MACROD2: variants seen among roughly 807,000 people sequenced by gnomAD.
MACROD2 encodes the protein ADP-ribose glycohydrolase MACROD2.
MACROD2 carries 36 observed loss-of-function variants against 70.4 expected under a neutral mutation model. The observed-to-expected ratio is 0.51, with a 90% CI of 0.39 to 0.68. MACROD2 has a LOEUF of 0.68. MACROD2 is among the 30% of genes least tolerant of loss of function. The pLI, the probability that MACROD2 is intolerant of heterozygous loss-of-function variation, is 0.00. For missense variants in MACROD2, 496 were observed against 538.4 expected, an observed-to-expected ratio of 0.92 and a Z score of 0.78; for synonymous variants, 172 against 178.8, an observed-to-expected ratio of 0.96 and a Z score of 0.30.
intron 3 of MACROD2, chr20:14,352,309 T>TA (rs1178453666): frequency 3.9e-5 from 6 of 152,140 alleles, no homozygotes; most frequent in African/African-American, 1.2e-4. Context: ...CAAGTTTTGA[T>TA]AAAAATACTC....
At chr20:14,996,209 C>T (rs760069708) in intron 5 of MACROD2, among the ~76,000 whole-genome samples, 12 of 152,168 alleles carry the variant, frequency 7.9e-5, no homozygotes, top group South Asian at 2.1e-4. Flanking sequence ...GGGGGTCTCA[C>T]GGGCCAGTGT....
intron 12 of MACROD2, among the ~76,000 whole-genome samples, chr20:15,965,658 T>C (rs533920427): frequency 7.6e-4 from 115 of 152,306 alleles, no homozygotes; most frequent in Admixed American, 5.0e-3. Flanking sequence ...GCCTGATCTA[T>C]ATACCTTTTT....
At chr20:14,239,535 A>G (rs974333042) in intron 3 of MACROD2, among the ~76,000 whole-genome samples, 4 of 152,230 alleles carry the variant, frequency 2.6e-5, no homozygotes, top group African/African-American at 9.6e-5. Flanking sequence ...CAAATGGAGC[A>G]GAATAGAGAG....
chr20:14,981,482 G>A (rs1460317128), intron 5 of MACROD2, among the ~76,000 whole-genome samples: 8 of 151,452 alleles, frequency 5.3e-5, no homozygotes, highest in African/African-American at 1.9e-4. Context: ...GTGTGTCGGT[G>A]TGTGCATGTT....
At chr20:15,594,041 G>A (rs916525631) in intron 8 of MACROD2, among the ~76,000 whole-genome samples, 5 of 152,160 alleles carry the variant, frequency 3.3e-5, no homozygotes, top group Non-Finnish European at 7.3e-5. Context: ...GTGTTCTTCT[G>A]TGGTCAGTGC....
Position 14,490,288 on chromosome 20 carries a change from C to G in MACROD2, c.272-3191C>G, listed in dbSNP as rs141430036. Among the ~76,000 whole-genome samples, 351 of 152,254 alleles carry G rather than the reference C, an allele frequency of 2.3e-3. 1 individual carries two copies. Among genetic ancestry groups the G allele is most frequent in the African/African-American group, 8.2e-3 (339 of 41,544 alleles). Reference sequence around the variant, plus strand: ...GTTTAGGGTATTGGAAATCAATTCTCCATATTTGACACTATCAAATTAGCT... The same window carrying G: ...GTTTAGGGTATTGGAAATCAATTCTGCATATTTGACACTATCAAATTAGCT... On this transcript the variant is annotated intron_variant, in intron 3 of 17. Transcript: ENST00000684519.
At chr20:15,932,489 C>T (rs76093213) in intron 10 of MACROD2, among the ~76,000 whole-genome samples, 3,470 of 152,264 alleles carry the variant, frequency 0.023, 69 homozygotes, top group African/African-American at 0.05. Context: ...CTTCTGTTTT[C>T]TGTACTTCAC....
chr20:15,721,497 T>A (rs551983572), intron 8 of MACROD2, among the ~76,000 whole-genome samples: 1 of 152,322 alleles, frequency 6.6e-6, no homozygotes, highest in East Asian at 1.9e-4. Context: ...AAAATATATA[T>A]CATTGTAGAC....
At position 14,786,096 on chromosome 20, in the gene MACROD2, T is replaced by C. The variant is rs2072367760; in HGVS notation, c.418+101137T>C. Among the ~76,000 whole-genome samples the C allele has an allele frequency of 3.3e-5, 5 of 152,080 alleles. No homozygotes were observed. The South Asian group carries it at 1.0e-3, about 32-fold the overall frequency. ...CAATATTGCTTCTGTCAGATCCTTA[T>C]GTGGATTGGGTTGCAAAAGAGTAGT... On this transcript the variant is annotated intron_variant, in intron 5 of 17. Coordinates refer to ENST00000684519, the MANE Select transcript of MACROD2 (RefSeq NM_001351661.2).
chr20:15,672,130 C>T (rs2049988139), intron 8 of MACROD2, among the ~76,000 whole-genome samples: 1 of 152,040 alleles, frequency 6.6e-6, no homozygotes, highest in African/African-American at 2.4e-5. Flanking sequence ...AGCTGAGTCT[C>T]CTTTGGGTCT....
chr20:14,408,521 G>A lies in MACROD2; in HGVS notation c.272-84958G>A, dbSNP rs762291079. On this transcript the variant is annotated intron_variant, in intron 3 of 17. Coordinates refer to ENST00000684519, the MANE Select transcript of MACROD2 (RefSeq NM_001351661.2). ...ATAAGACTAGAAATGTTTTCCACAT[G>A]TCTTTAAATTTTCAGCGAACATGTT... 1.2e-3 allele frequency among the ~76,000 whole-genome samples: 186 copies of A among 152,184 alleles called. 1 individual carries two copies. The highest frequency in any genetic ancestry group is 2.2e-3 in the Non-Finnish European group (149 of 68,004).
chr20:14,592,520 C>T (rs1022512240), intron 4 of MACROD2, among the ~76,000 whole-genome samples: 1 of 152,106 alleles, frequency 6.6e-6, no homozygotes, highest in Non-Finnish European at 1.5e-5. Context: ...ACCTCCTGGG[C>T]TCAAGTGATC....
In MACROD2 at chr20:14,197,835, A is replaced by T. The variant is rs192110791; in HGVS notation, c.271+112107A>T. Among the ~76,000 whole-genome samples, 12 of 152,292 alleles carry T rather than the reference A, an allele frequency of 7.9e-5. No individual in the cohort carries two copies. In the East Asian group the frequency reaches 2.3e-3, roughly 29 times the overall value. Reference sequence around the variant, plus strand: ...GTAGGAAGTAGATGTGTTTAAAGCTAAACAACCTTTTAAAAACATCATGTT... The same window carrying T: ...GTAGGAAGTAGATGTGTTTAAAGCTTAACAACCTTTTAAAAACATCATGTT... On this transcript the variant is annotated intron_variant, in intron 3 of 17. Coordinates refer to ENST00000684519, the MANE Select transcript of MACROD2 (RefSeq NM_001351661.2).
chr20:14,367,772 A>T (rs2083285818), intron 3 of MACROD2, among the ~76,000 whole-genome samples: 2 of 149,980 alleles, frequency 1.3e-5, no homozygotes, highest in Non-Finnish European at 3.0e-5. Context: ...TTCGTCTTGG[A>T]GTTTGTTGAG....
At chr20:15,743,561 A>C (rs953477419) in intron 8 of MACROD2, among the ~76,000 whole-genome samples, 4 of 151,660 alleles carry the variant, frequency 2.6e-5, no homozygotes, top group African/African-American at 4.9e-5. Context: ...ATTCTCTGTC[A>C]CTCCTCTCCA....
chr20:14,143,039 A>T (rs1433021222), intron 3 of MACROD2, among the ~76,000 whole-genome samples: 1 of 152,148 alleles, frequency 6.6e-6, no homozygotes, highest in Non-Finnish European at 1.5e-5. Context: ...AAAACTTTTC[A>T]TGTCTTTCAT....
intron 8 of MACROD2, among the ~76,000 whole-genome samples, chr20:15,508,031 T>C (rs1361245016): frequency 1.3e-5 from 2 of 152,300 alleles, no homozygotes; most frequent in East Asian, 1.9e-4. Context: ...GGGGAGCTCA[T>C]CAAAGTTCAA....
intron 5 of MACROD2, among the ~76,000 whole-genome samples, chr20:15,201,130 C>T (rs778677244): frequency 6.6e-6 from 1 of 152,042 alleles, no homozygotes; most frequent in African/African-American, 2.4e-5. Flanking sequence ...CCCTGCATCT[C>T]GGACATAAAG....
intron 6 of MACROD2, among the ~76,000 whole-genome samples, chr20:15,392,752 T>C (rs1308559335): frequency 6.6e-6 from 1 of 152,140 alleles, no homozygotes; most frequent in Non-Finnish European, 1.5e-5. Context: ...GTTATTTTCC[T>C]CCCTGTTTTT....
Sources: allele counts gnomAD v4.1 joint callset (sites outside exome capture counted in the v4.1 genomes callset), GRCh38; gene constraint gnomAD v4.1.1; transcripts MANE v1.5; gene names NCBI Gene and HGNC (gene_info 2026-07-23, HGNC 2026-07-21).